Variants in SEL1L3 observed in about 807,000 individuals in gnomAD.
SEL1L3 encodes protein sel-1 homolog 3.
A neutral mutation model predicts 142.8 loss-of-function variants in SEL1L3; 76 were observed. The ratio of observed to expected loss-of-function variants is 0.53; its 90% CI spans 0.44 to 0.64. The LOEUF is 0.64. Ranked by LOEUF, SEL1L3 falls within the 30% of genes least tolerant of loss-of-function variation. The pLI is 0.00. For missense variants in SEL1L3, 1,262 were observed against 1,381.7 expected (o/e 0.91, Z 1.37); for synonymous variants, 504 against 519.6 (o/e 0.97, Z 0.41).
At chr4:25,726,543 AAAC>A in the SEL1L3 span, among the ~76,000 whole-genome samples, 1 of 151,276 alleles carries the variant, frequency 6.6e-6, no homozygotes, top group African/African-American at 2.4e-5. Context: ...AAAAAAAAAA[AAAC>A]CCAAAAAAAA....
At chr4:25,765,238 C>T (rs1718634146) in intron 20 of SEL1L3, 88 bp downstream of exon 20, 1 of 846,550 alleles carries the variant, frequency 1.2e-6, no homozygotes, top group Non-Finnish European at 2.0e-6. Flanking sequence ...AAGTGACCCG[C>T]CCCCGTCGGC....
intron 1 of SEL1L3, among the ~76,000 whole-genome samples, chr4:25,857,442 C>T (rs773197355): frequency 5.3e-5 from 8 of 152,200 alleles, no homozygotes; most frequent in Non-Finnish European, 1.0e-4. Context: ...CATTGAGTAC[C>T]TACTGTGTAC....
chr4:25,837,157 G>T (rs1715886054), intron 2 of SEL1L3, among the ~76,000 whole-genome samples: 1 of 150,844 alleles, frequency 6.6e-6, no homozygotes, highest in African/African-American at 2.5e-5. Context: ...GGTGAGAAAT[G>T]GAAGTACTGC....
chr4:25,861,630 CTT>C lies in SEL1L3; in HGVS notation c.162+1043_162+1044del, dbSNP rs143198162. On this transcript the variant is annotated intron_variant, in intron 1 of 23. Coordinates refer to ENST00000399878, the MANE Select transcript of SEL1L3 (RefSeq NM_015187.5). ...ATGAATTCTGGACAATGACACTGCTCTTTTTTTTTTTTTTTTTGGCATTCTGT... is the reference window on the plus strand; with the variant it reads ...ATGAATTCTGGACAATGACACTGCTCTTTTTTTTTTTTTTTGGCATTCTGT... 3.6e-3 allele frequency among the ~76,000 whole-genome samples: 489 copies of C among 135,418 alleles called. 4 individuals carry two copies. The highest frequency in any genetic ancestry group is 0.012 in the African/African-American group (447 of 36,812). The allele number at this position is 135,418 out of a possible 152,430, so 88.8% of individuals were successfully genotyped here. A position where few individuals can be genotyped will look rare whatever the true frequency, so the allele number is the denominator to read the frequency against.
At chr4:25,739,792 G>A in the SEL1L3 span, among the ~76,000 whole-genome samples, 1 of 143,304 alleles carries the variant, frequency 7.0e-6, no homozygotes, top group South Asian at 2.2e-4. Context: ...GTGTGTGTGT[G>A]TAGAAACACA....
At chr4:25,722,629 T>A in the SEL1L3 span, among the ~76,000 whole-genome samples, 1 of 149,738 alleles carries the variant, frequency 6.7e-6, no homozygotes. Context: ...GGAGGCTTTT[T>A]TTTTTTTTTT....
downstream of SEL1L3, among the ~76,000 whole-genome samples, chr4:25,744,978 G>A (rs1375211031): frequency 6.6e-6 from 1 of 152,182 alleles, no homozygotes; most frequent in Non-Finnish European, 1.5e-5. Flanking sequence ...TTGGTACTTG[G>A]TTATGGCAGC....
Position 25,788,395 on chromosome 4 carries a change from C to A in SEL1L3, c.2077-31G>T, listed in dbSNP as rs372629113. ...AGATAATAGCAATTTAGAACAATGA[C>A]TTTTCCTGTATAATGCTTAACACAA... On this transcript the variant is annotated intron_variant, in intron 12 of 23. Transcript: ENST00000399878. The surrounding 1 kb of genome is among the most constrained non-coding windows in gnomAD (Gnocchi z 5.3). 5 of 1,611,382 alleles carry A rather than the reference C, an allele frequency of 3.1e-6. No homozygotes were observed. Among genetic ancestry groups the A allele is most frequent in the Non-Finnish European group, 4.2e-6 (5 of 1,178,872 alleles).
Position 25,862,741 on chromosome 4 carries a change from C to G in SEL1L3, c.96G>C (p.Pro32=), listed in dbSNP as rs1208959341. The G allele has an allele frequency of 3.2e-6, 4 of 1,256,056 alleles. No individual in the cohort carries two copies. The highest frequency in any genetic ancestry group is 4.0e-6 in the Non-Finnish European group (4 of 1,001,162). 77.8% of individuals were successfully genotyped at this position (1,256,056 alleles called of 1,614,324 possible). A position where few individuals can be genotyped will look rare whatever the true frequency, so the allele number is the denominator to read the frequency against. The change falls in exon 1 of 24, where the codon CCG becomes CCC. Residue 32 remains proline (P), a synonymous_variant. Transcript: ENST00000399878. Reference sequence around the variant, plus strand: ...CGAGGCCCTGGGGGACGCCGCCACTCGGGACCATGGCTGCGGCCCGGGGGC... The same window carrying G: ...CGAGGCCCTGGGGGACGCCGCCACTGGGGACCATGGCTGCGGCCCGGGGGC... The part of the protein sequence containing the change: ...AVGPRAAAMV[P]SGGVPQGLGG...
chr4:25,802,969 T>A (rs1713287013), intron 10 of SEL1L3, among the ~76,000 whole-genome samples: 1 of 152,240 alleles, frequency 6.6e-6, no homozygotes, highest in Non-Finnish European at 1.5e-5. Context: ...TAGCTTAAAA[T>A]GCCCTGACTT....
chr4:25,751,478 A>G lies in SEL1L3; in HGVS notation c.3260-2914T>C, dbSNP rs185943357. On this transcript the variant is annotated intron_variant, in intron 23 of 23. Coordinates refer to ENST00000399878, the MANE Select transcript of SEL1L3 (RefSeq NM_015187.5). ...GGCCCAGGGTGATGTGTGTTCTGCT[A>G]TCAGGCTGGTGACTATCTGAGTGAC... Among the ~76,000 whole-genome samples the G allele has an allele frequency of 3.4e-3, 510 of 152,174 alleles. 6 individuals are homozygous for G. The highest frequency in any genetic ancestry group is 0.012 in the African/African-American group (487 of 41,526).
intron 17 of SEL1L3, among the ~76,000 whole-genome samples, chr4:25,769,772 A>G (rs1423796830): frequency 6.6e-6 from 1 of 152,226 alleles, no homozygotes; most frequent in African/African-American, 2.4e-5. Flanking sequence ...ATATTGGACC[A>G]GTGCCCTCTA....
At chr4:25,816,930 A>G (rs745984900) in intron 9 of SEL1L3, among the ~76,000 whole-genome samples, 3 of 152,190 alleles carry the variant, frequency 2.0e-5, no homozygotes, top group Non-Finnish European at 4.4e-5. Context: ...AAGCCTTCCC[A>G]GAACACCTCA....
chr4:25,820,008 T>C (rs1434818764), intron 7 of SEL1L3, 68 bp from the exon 8 acceptor site: 2 of 1,492,106 alleles, frequency 1.3e-6, no homozygotes, highest in African/African-American at 1.4e-5. Context: ...TCTAGGAGGA[T>C]GTGTTTGGGT....
intron 2 of SEL1L3, among the ~76,000 whole-genome samples, chr4:25,841,114 C>T (rs1458561354): frequency 2.0e-5 from 3 of 151,986 alleles, no homozygotes; most frequent in Non-Finnish European, 4.4e-5. Flanking sequence ...CTCACTGCAG[C>T]CTCCATCTCC....
chr4:25,733,622 G>A, the SEL1L3 span, among the ~76,000 whole-genome samples: 1 of 148,136 alleles, frequency 6.8e-6, no homozygotes, highest in Non-Finnish European at 1.5e-5. Context: ...CCAGATTCAA[G>A]TGATTCTCCT....
chr4:25,791,805 T>C lies in SEL1L3; in HGVS notation c.1957-1231A>G, dbSNP rs1458072418. ...GTACACACCGCTAATCCCAGCTACT[T>C]GGGAGGCTGAGGCACGAGAATCGCT... On this transcript the variant is annotated intron_variant, in intron 11 of 23. Coordinates refer to ENST00000399878, the MANE Select transcript of SEL1L3 (RefSeq NM_015187.5). Among the ~76,000 whole-genome samples the C allele has an allele frequency of 2.0e-5, 3 of 151,818 alleles. No homozygotes were observed. In the East Asian group the frequency reaches 5.8e-4, roughly 29 times the overall value.
the SEL1L3 span, among the ~76,000 whole-genome samples, chr4:25,727,478 C>T: frequency 6.6e-6 from 1 of 152,106 alleles, no homozygotes; most frequent in African/African-American, 2.4e-5. Flanking sequence ...AAATGTTAAT[C>T]GACATTATTC....
chr4:25,786,236 T>G (rs1711817902), intron 13 of SEL1L3, among the ~76,000 whole-genome samples: 1 of 152,186 alleles, frequency 6.6e-6, no homozygotes, highest in South Asian at 2.1e-4. Context: ...CACAGTCAAA[T>G]GCACGTACTG....
Sources: allele counts gnomAD v4.1 joint callset (sites outside exome capture counted in the v4.1 genomes callset), GRCh38; gene constraint gnomAD v4.1.1; non-coding constraint Gnocchi (gnomAD v3.1); transcripts MANE v1.5; gene names NCBI Gene and HGNC (gene_info 2026-07-23, HGNC 2026-07-21).